BMAL1: variants seen among roughly 807,000 people sequenced by gnomAD.
BMAL1 encodes basic helix-loop-helix ARNT-like protein 1.
At chr11:13,358,602 G>A in the BMAL1 span, 2 of 1,578,772 alleles carry the variant, frequency 1.3e-6, no homozygotes, top group East Asian at 4.6e-5. Flanking sequence ...GTGAGACCCT[G>A]GGCTCTATTG....
At chr11:13,324,432 G>A in the BMAL1 span, among the ~76,000 whole-genome samples, 41 of 151,996 alleles carry the variant, frequency 2.7e-4, no homozygotes, top group African/African-American at 9.2e-4. Flanking sequence ...GCTGTCCTCC[G>A]CCTGAGCTGC....
chr11:13,318,071 G>T, the BMAL1 span, among the ~76,000 whole-genome samples: 1 of 152,226 alleles, frequency 6.6e-6, no homozygotes, highest in Admixed American at 6.5e-5. Flanking sequence ...AAGAGTGGTG[G>T]TCCCTCCCCT....
the BMAL1 span, among the ~76,000 whole-genome samples, chr11:13,299,254 A>G: frequency 6.6e-6 from 1 of 152,182 alleles, no homozygotes; most frequent in African/African-American, 2.4e-5. Context: ...ATTGTTTCAC[A>G]TATAAGAGTT....
chr11:13,284,653 G>C, the BMAL1 span, among the ~76,000 whole-genome samples: 1 of 151,738 alleles, frequency 6.6e-6, no homozygotes, highest in East Asian at 1.9e-4. Context: ...TTCGCATCTT[G>C]CTCACTTGTA....
chr11:13,381,414 C>G, the BMAL1 span, among the ~76,000 whole-genome samples: 1 of 152,158 alleles, frequency 6.6e-6, no homozygotes, highest in Non-Finnish European at 1.5e-5. Flanking sequence ...ACAAAGCATA[C>G]TGGTAGGGCT....
the BMAL1 span, chr11:13,378,521 T>C: frequency 6.5e-7 from 1 of 1,546,892 alleles, no homozygotes; most frequent in Middle Eastern, 1.7e-4. Context: ...CAGGCAATAT[T>C]TTGCAATGTC....
At chr11:13,287,216 G>T in the BMAL1 span, among the ~76,000 whole-genome samples, 1 of 152,344 alleles carries the variant, frequency 6.6e-6, no homozygotes, top group African/African-American at 2.4e-5. Context: ...CTTAGGTGCA[G>T]AGTGCTGTGC....
chr11:13,308,607 G>A, the BMAL1 span, among the ~76,000 whole-genome samples: 1 of 152,204 alleles, frequency 6.6e-6, no homozygotes, highest in Non-Finnish European at 1.5e-5. Context: ...GCAAGGTAAG[G>A]ACTGAGACTT....
chr11:13,331,020 G>A, the BMAL1 span, among the ~76,000 whole-genome samples: 1 of 152,200 alleles, frequency 6.6e-6, no homozygotes, highest in Admixed American at 6.5e-5. Flanking sequence ...AGGCAAGGGA[G>A]TGACTTGCCT....
chr11:13,360,654 C>T, the BMAL1 span, among the ~76,000 whole-genome samples: 1 of 152,082 alleles, frequency 6.6e-6, no homozygotes, highest in Non-Finnish European at 1.5e-5. Context: ...GTCTATGCCA[C>T]CGCAATTTAA....
the BMAL1 span, among the ~76,000 whole-genome samples, chr11:13,325,385 C>G: frequency 1.3e-5 from 2 of 152,358 alleles, no homozygotes; most frequent in East Asian, 3.9e-4. Flanking sequence ...TCTTTTCTCG[C>G]AGTGGGTACA....
chr11:13,316,320 T>A, the BMAL1 span, among the ~76,000 whole-genome samples: 1 of 152,224 alleles, frequency 6.6e-6, no homozygotes, highest in Non-Finnish European at 1.5e-5. Context: ...TTGGTATGTG[T>A]GCATGTGTGT....
the BMAL1 span, among the ~76,000 whole-genome samples, chr11:13,354,113 TCC>T: frequency 6.6e-6 from 1 of 152,158 alleles, no homozygotes; most frequent in African/African-American, 2.4e-5. Flanking sequence ...TGATGCTCTT[TCC>T]ATTCTATCAC....
At chr11:13,385,208 G>A in the BMAL1 span, among the ~76,000 whole-genome samples, 1 of 152,146 alleles carries the variant, frequency 6.6e-6, no homozygotes, top group East Asian at 1.9e-4. Context: ...TTAAACCACA[G>A]GTTACTGAAG....
chr11:13,306,215 A>T, the BMAL1 span, among the ~76,000 whole-genome samples: 1 of 150,084 alleles, frequency 6.7e-6, no homozygotes, highest in Non-Finnish European at 1.5e-5. Flanking sequence ...TAGGTGCAGG[A>T]GGGCCGTGGA....
At chr11:13,325,826 C>G in the BMAL1 span, among the ~76,000 whole-genome samples, 3 of 152,100 alleles carry the variant, frequency 2.0e-5, no homozygotes, top group African/African-American at 7.2e-5. Flanking sequence ...GAGAGTATGT[C>G]ATCCCAGCCT....
At chr11:13,356,914 C>T in the BMAL1 span, 4 of 1,585,380 alleles carry the variant, frequency 2.5e-6, 1 homozygote, top group South Asian at 3.4e-5. Context: ...TGTGGGCGCT[C>T]ACTGTGTCCC....
the BMAL1 span, among the ~76,000 whole-genome samples, chr11:13,295,552 G>A: frequency 6.6e-6 from 1 of 152,084 alleles, no homozygotes; most frequent in African/African-American, 2.4e-5. Context: ...CCTTGCGAGG[G>A]CCGAGCTTCT....
At chr11:13,361,200 G>C in the BMAL1 span, among the ~76,000 whole-genome samples, 1 of 152,166 alleles carries the variant, frequency 6.6e-6, no homozygotes, top group African/African-American at 2.4e-5. Flanking sequence ...TGCTCTCTCT[G>C]TCTTGCTAAA....
Sources: gnomAD v4.1 joint callset for allele counts (sites outside exome capture counted in the v4.1 genomes callset) on GRCh38, gnomAD v4.1.1 for gene constraint, MANE v1.5 for transcripts, NCBI Gene and HGNC (gene_info 2026-07-23, HGNC 2026-07-21) for gene names.